The following ATG7 variants were observed in gnomAD, a reference collection of about 807,000 sequenced individuals.
ATG7 encodes autophagy related 7, also known as ubiquitin-like modifier-activating enzyme ATG7.
In ATG7, 70 loss-of-function variants were observed where a neutral mutation model predicts 82.4. That is an observed-to-expected ratio of 0.85 (90% CI 0.70 to 1.04). ATG7 has a LOEUF of 1.04. Among genes scored for constraint, ATG7 ranks in the 50% least tolerant of loss-of-function variants. ATG7 has a pLI of 0.00. For synonymous variants in ATG7, 287 were observed against 313.0 expected (o/e 0.92, Z 0.88); for missense variants, 792 against 864.3 (o/e 0.92, Z 1.05).
At chr3:11,573,316 G>GAAGGAAGA in the ATG7 span, among the ~76,000 whole-genome samples, 6 of 20,754 alleles carry the variant, frequency 2.9e-4, no homozygotes, top group African/African-American at 9.7e-4. Context: ...AGGAAGGAAG[G>GAAGGAAGA]AAGAAAGAAA....
At chr3:11,560,465 G>A (rs560079171), downstream of ATG7, among the ~76,000 whole-genome samples, 164 of 152,286 alleles carry the variant, frequency 1.1e-3, no homozygotes, top group African/African-American at 3.5e-3. Flanking sequence ...CCAGAGGGAC[G>A]CTGGGCCTTA....
In ATG7 at chr3:11,337,097, C is replaced by CT. The variant is rs1952633749; in HGVS notation, c.890-3547dup. On this transcript the variant is annotated intron_variant, in intron 11 of 20. Coordinates refer to ENST00000693202, the MANE Select transcript of ATG7 (RefSeq NM_001349232.2). ...TGCGGGTAGAGATCCCATCTTAACT[C>CT]TGTTTTTTCTTGTGCTGCTCCTGCT... is the stretch of plus-strand genomic sequence containing the variant. Among the ~76,000 whole-genome samples, 5 of 152,298 alleles carry CT rather than the reference C, an allele frequency of 3.3e-5. No homozygotes were observed. The South Asian group carries it at 1.0e-3, about 32-fold the overall frequency.
intron 19 of ATG7, among the ~76,000 whole-genome samples, chr3:11,399,073 C>T (rs532932454): frequency 7.9e-5 from 12 of 152,098 alleles, no homozygotes; most frequent in Admixed American, 5.2e-4. Flanking sequence ...GCAGGCTGGG[C>T]GCAGTGGCTC....
chr3:11,303,917 CAAAAAAAA>C (rs55893689), intron 5 of ATG7, among the ~76,000 whole-genome samples: 14 of 75,890 alleles, frequency 1.8e-4, no homozygotes, highest in South Asian at 5.2e-4. Flanking sequence ...ACTAAAAATG[CAAAAAAAA>C]AAAAAAAAAA....
chr3:11,461,851 C>T (rs1223826134), intron 20 of ATG7, among the ~76,000 whole-genome samples: 1 of 151,902 alleles, frequency 6.6e-6, no homozygotes, highest in Non-Finnish European at 1.5e-5. Flanking sequence ...ACAGTGAAAC[C>T]CTATCTTTAC....
At chr3:11,527,125 G>A (rs1231687384) in intron 20 of ATG7, among the ~76,000 whole-genome samples, 1 of 148,598 alleles carries the variant, frequency 6.7e-6, no homozygotes, top group Non-Finnish European at 1.5e-5. Context: ...ATTTTTTTGA[G>A]GTGGAGTCTC....
chr3:11,474,184 T>C (rs1559698886), intron 20 of ATG7, among the ~76,000 whole-genome samples: 1 of 152,234 alleles, frequency 6.6e-6, no homozygotes, highest in Non-Finnish European at 1.5e-5. Flanking sequence ...AGCACTCTTC[T>C]AAGCACTGGG....
intron 20 of ATG7, among the ~76,000 whole-genome samples, chr3:11,441,769 C>G (rs529473547): frequency 8.6e-5 from 13 of 150,780 alleles, no homozygotes; most frequent in Middle Eastern, 3.5e-3. Flanking sequence ...CGGGTTCAAG[C>G]AATTCTCCTG....
intron 20 of ATG7, chr3:11,488,448 C>T (rs1367830393): frequency 5.3e-5 from 67 of 1,268,546 alleles, no homozygotes; most frequent in African/African-American, 2.6e-4. Context: ...CGGCTGCGGT[C>T]GGTCGCGGCA....
chr3:11,383,489 C>T lies in ATG7; in HGVS notation c.1956+3437C>T, dbSNP rs114436593. On this transcript the variant is annotated intron_variant, in intron 19 of 20. Coordinates refer to ENST00000693202, the MANE Select transcript of ATG7 (RefSeq NM_001349232.2). ...TTTTCCATATTTCTGACTACCTTCT[C>T]CAACAGTGAGAAACCTGCAATCTCG... is the stretch of plus-strand genomic sequence containing the variant. Among the ~76,000 whole-genome samples, 196 of 152,254 alleles carry T rather than the reference C, an allele frequency of 1.3e-3. 1 individual carries two copies. Among genetic ancestry groups the T allele is most frequent in the African/African-American group, 4.6e-3 (191 of 41,542 alleles).
intron 19 of ATG7, 69 bp downstream of exon 19, chr3:11,380,121 C>A: frequency 1.4e-6 from 2 of 1,460,146 alleles, no homozygotes; most frequent in Non-Finnish European, 1.9e-6. Flanking sequence ...CGCAGCCTCA[C>A]CAGCTGGAGC....
At chr3:11,309,714 C>T (rs1948355112) in intron 7 of ATG7, among the ~76,000 whole-genome samples, 1 of 152,138 alleles carries the variant, frequency 6.6e-6, no homozygotes, top group Admixed American at 6.6e-5. Context: ...CAGTTATACA[C>T]AGGCACGTGC....
Position 11,323,714 on chromosome 3 carries a change from A to G in ATG7, c.679-7626A>G, listed in dbSNP as rs79060073. Among the ~76,000 whole-genome samples the G allele has an allele frequency of 2.7e-3, 419 of 152,364 alleles. 1 individual carries two copies. Among genetic ancestry groups the G allele is most frequent in the African/African-American group, 9.3e-3 (386 of 41,594 alleles). The stretch of plus-strand genomic sequence containing the variant: ...GGCTTTAAAATCTGTGGACAAGAGC[A>G]ATAGCCAAGGAGCAACAATTTATAT... On this transcript the variant is annotated intron_variant, in intron 9 of 20. Transcript: ENST00000693202.
chr3:11,366,414 C>T (rs1410769789), intron 18 of ATG7, among the ~76,000 whole-genome samples: 1 of 151,942 alleles, frequency 6.6e-6, no homozygotes. Context: ...TTTTGACATG[C>T]ATGTGTTAAT....
intron 13 of ATG7, among the ~76,000 whole-genome samples, chr3:11,344,308 C>G (rs995536699): frequency 2.6e-5 from 4 of 152,102 alleles, no homozygotes; most frequent in African/African-American, 9.7e-5. Context: ...GAGTTGATAT[C>G]TTTGTTTTAT....
At chr3:11,327,752 G>C (rs1575473318) in intron 9 of ATG7, among the ~76,000 whole-genome samples, 1 of 152,196 alleles carries the variant, frequency 6.6e-6, no homozygotes, top group Non-Finnish European at 1.5e-5. Context: ...GCATCTTCAA[G>C]TTTGAGATCC....
chr3:11,453,526 A>G (rs1300058359), intron 20 of ATG7, among the ~76,000 whole-genome samples: 1 of 152,190 alleles, frequency 6.6e-6, no homozygotes, highest in East Asian at 1.9e-4. Context: ...GAAGCTATTT[A>G]AAAGACCCTA....
At chr3:11,487,436 C>T (rs1381012130) in intron 20 of ATG7, among the ~76,000 whole-genome samples, 3 of 68,462 alleles carry the variant, frequency 4.4e-5, no homozygotes, top group African/African-American at 1.1e-4. Flanking sequence ...CCTCACCTCC[C>T]GGACGGGGCG....
intron 20 of ATG7, among the ~76,000 whole-genome samples, chr3:11,537,129 G>C (rs902674454): frequency 7.2e-5 from 11 of 152,048 alleles, no homozygotes; most frequent in Non-Finnish European, 1.5e-4. Flanking sequence ...GAGCCCCTGG[G>C]ATCTTTGCAC....
Sources: gnomAD v4.1 joint callset for allele counts (sites outside exome capture counted in the v4.1 genomes callset) on GRCh38, gnomAD v4.1.1 for gene constraint, MANE v1.5 for transcripts, NCBI Gene and HGNC (gene_info 2026-07-23, HGNC 2026-07-21) for gene names.